Variants in STXBP5L observed in about 807,000 individuals in gnomAD.
The protein encoded by STXBP5L is syntaxin-binding protein 5-like.
A neutral mutation model predicts 144.5 loss-of-function variants in STXBP5L; 65 were observed. The ratio of observed to expected loss-of-function variants is 0.45; its 90% CI spans 0.37 to 0.55. STXBP5L has a LOEUF of 0.55. STXBP5L is among the 20% of genes least tolerant of loss of function. STXBP5L has a pLI of 0.00. For missense variants in STXBP5L, 1,298 were observed against 1,405.5 expected, an observed-to-expected ratio of 0.92 and a Z score of 1.22; for synonymous variants, 505 against 469.6, an observed-to-expected ratio of 1.08 and a Z score of -0.97.
intron 20 of STXBP5L, among the ~76,000 whole-genome samples, chr3:121,351,560 G>A (rs1029852474): frequency 1.3e-5 from 2 of 152,096 alleles, no homozygotes; most frequent in Non-Finnish European, 2.9e-5. Flanking sequence ...TTGTAAATTT[G>A]TTTAAGTTCT....
intron 5 of STXBP5L, among the ~76,000 whole-genome samples, chr3:121,059,265 C>T (rs1463379674): frequency 6.6e-6 from 1 of 152,072 alleles, no homozygotes; most frequent in Non-Finnish European, 1.5e-5. Context: ...TCAGGTTTGT[C>T]AAAGATCAGA....
intron 3 of STXBP5L, among the ~76,000 whole-genome samples, chr3:120,969,996 A>G (rs1047103428): frequency 6.6e-6 from 1 of 152,066 alleles, no homozygotes; most frequent in African/African-American, 2.4e-5. Flanking sequence ...CTTCCAAAAA[A>G]TCAGGTCATT....
chr3:121,244,014 A>T (rs2049758660), intron 14 of STXBP5L, among the ~76,000 whole-genome samples: 1 of 152,158 alleles, frequency 6.6e-6, no homozygotes. Flanking sequence ...GTGTTTACGT[A>T]AAATTAAAGG....
intron 7 of STXBP5L, among the ~76,000 whole-genome samples, chr3:121,143,697 A>G (rs570730064): frequency 1.3e-5 from 2 of 152,042 alleles, no homozygotes; most frequent in African/African-American, 4.8e-5. Flanking sequence ...AAGAATACAC[A>G]GTGTAGAAAG....
At chr3:120,991,044 A>G (rs918861281) in intron 3 of STXBP5L, among the ~76,000 whole-genome samples, 6 of 152,020 alleles carry the variant, frequency 3.9e-5, no homozygotes, top group Admixed American at 6.6e-5. Flanking sequence ...TGAACAGGCA[A>G]CCTACAGAAT....
chr3:120,936,753 G>A (rs1710285806), intron 2 of STXBP5L, among the ~76,000 whole-genome samples: 1 of 151,972 alleles, frequency 6.6e-6, no homozygotes, highest in Admixed American at 6.6e-5. Context: ...GGGACTACTG[G>A]TGCCCACCAC....
At chr3:120,909,444 C>A in intron 1 of STXBP5L, 127 bp from the exon 2 acceptor site, 1 of 765,808 alleles carries the variant, frequency 1.3e-6, no homozygotes, top group Non-Finnish European at 2.0e-6. Flanking sequence ...TTTTTCCAGT[C>A]GGTCGTAACC....
chr3:121,309,365 A>G (rs1260331208), intron 19 of STXBP5L, among the ~76,000 whole-genome samples: 3 of 152,116 alleles, frequency 2.0e-5, no homozygotes, highest in African/African-American at 7.2e-5. Context: ...CCATTTAAAA[A>G]AATAGATTTT....
intron 22 of STXBP5L, among the ~76,000 whole-genome samples, chr3:121,403,863 T>C (rs2046938780): frequency 6.6e-6 from 1 of 152,196 alleles, no homozygotes; most frequent in African/African-American, 2.4e-5. Context: ...TCCTACCTTC[T>C]AGCTATTCCT....
chr3:121,025,956 A>G (rs1945901256), intron 3 of STXBP5L, among the ~76,000 whole-genome samples: 1 of 142,320 alleles, frequency 7.0e-6, no homozygotes, highest in Non-Finnish European at 1.5e-5. Flanking sequence ...AATATATCAT[A>G]ATGTATAATA....
At chr3:121,347,473 GT>G (rs1358169937) in intron 20 of STXBP5L, among the ~76,000 whole-genome samples, 1 of 152,126 alleles carries the variant, frequency 6.6e-6, no homozygotes, top group Non-Finnish European at 1.5e-5. Flanking sequence ...CTTTAAAGTA[GT>G]TTTTTCCAAT....
intron 5 of STXBP5L, among the ~76,000 whole-genome samples, chr3:121,104,934 G>C (rs1470867939): frequency 6.6e-6 from 1 of 152,170 alleles, no homozygotes; most frequent in Non-Finnish European, 1.5e-5. Flanking sequence ...AAAATCAGCA[G>C]AGTAAACAGG....
chr3:121,395,301 CAG>C (rs1227111946), intron 22 of STXBP5L, among the ~76,000 whole-genome samples: 2 of 151,972 alleles, frequency 1.3e-5, no homozygotes, highest in East Asian at 3.9e-4. Flanking sequence ...AAGTCTGAAA[CAG>C]AAGAAATAAT....
At chr3:121,012,030 T>G (rs1476961044) in intron 3 of STXBP5L, among the ~76,000 whole-genome samples, 1 of 151,906 alleles carries the variant, frequency 6.6e-6, no homozygotes, top group East Asian at 1.9e-4. Flanking sequence ...CTATATAGAT[T>G]TCCTTATTGT....
At chr3:121,039,355 A>G (rs1053982760) in intron 3 of STXBP5L, among the ~76,000 whole-genome samples, 7 of 151,934 alleles carry the variant, frequency 4.6e-5, no homozygotes, top group Non-Finnish European at 7.4e-5. Context: ...TATGAATGGT[A>G]TAATAGTAAA....
intron 20 of STXBP5L, among the ~76,000 whole-genome samples, chr3:121,356,644 C>G (rs2045524507): frequency 6.6e-6 from 1 of 152,208 alleles, no homozygotes; most frequent in African/African-American, 2.4e-5. Flanking sequence ...CCTTGCACTT[C>G]CCGGGTGAGG....
At chr3:121,348,635 G>T (rs1275040709) in intron 20 of STXBP5L, among the ~76,000 whole-genome samples, 3 of 152,014 alleles carry the variant, frequency 2.0e-5, no homozygotes, top group South Asian at 2.1e-4. Context: ...CAATTTCAAA[G>T]CCTGTTATTG....
At chr3:121,384,519 A>G (rs1336533023) in intron 22 of STXBP5L, among the ~76,000 whole-genome samples, 4 of 152,108 alleles carry the variant, frequency 2.6e-5, no homozygotes, top group African/African-American at 7.2e-5. Flanking sequence ...TTTTTTTGAA[A>G]GACTAAAGTC....
At chr3:121,027,252 T>A (rs191333902) in intron 3 of STXBP5L, among the ~76,000 whole-genome samples, 21 of 152,204 alleles carry the variant, frequency 1.4e-4, no homozygotes, top group African/African-American at 4.8e-4. Context: ...GTTAATACAT[T>A]CTGAAAGAGA....
Sources: gnomAD v4.1 joint callset for allele counts (sites outside exome capture counted in the v4.1 genomes callset) on GRCh38, gnomAD v4.1.1 for gene constraint, MANE v1.5 for transcripts, NCBI Gene and HGNC (gene_info 2026-07-23, HGNC 2026-07-21) for gene names.